Variants in DAB1 observed in about 807,000 individuals in gnomAD.
The protein encoded by DAB1 is disabled homolog 1.
Under a neutral mutation model 64.6 loss-of-function variants are expected in DAB1, and 15 were observed. That is an observed-to-expected ratio of 0.23 (90% CI 0.16 to 0.36). DAB1 has a LOEUF of 0.36. DAB1 is among the 10% of genes least tolerant of loss of function. The pLI, the probability that DAB1 is intolerant of heterozygous loss-of-function variation, is 1.00. For synonymous variants in DAB1, 235 were observed against 251.9 expected, an observed-to-expected ratio of 0.93 and a Z score of 0.64; for missense variants, 596 against 706.7, an observed-to-expected ratio of 0.84 and a Z score of 1.78.
chr1:58,293,473 A>T (rs1163040695), intron 4 of DAB1, among the ~76,000 whole-genome samples: 1 of 152,234 alleles, frequency 6.6e-6, no homozygotes, highest in Non-Finnish European at 1.5e-5. Flanking sequence ...GGGAGATGGC[A>T]GCAGTCATAA....
chr1:57,754,959 T>A (rs1384937361), intron 6 of DAB1, among the ~76,000 whole-genome samples: 2 of 152,036 alleles, frequency 1.3e-5, no homozygotes, highest in African/African-American at 4.8e-5. Flanking sequence ...CTAGACAAGT[T>A]TTCCAAAACT....
In DAB1 at chr1:57,062,947, TG is replaced by T; in HGVS notation, c.664-5del. The T allele has an allele frequency of 6.2e-7, 1 of 1,613,876 alleles. No individual in the cohort carries two copies. Among genetic ancestry groups the T allele is most frequent in the South Asian group, 1.1e-5 (1 of 91,066 alleles). On this transcript the variant is annotated splice_polypyrimidine_tract_variant and splice_region_variant and intron_variant, in intron 8 of 14. Coordinates refer to ENST00000371236, the MANE Select transcript of DAB1 (RefSeq NM_001365792.1). ...CCTTCTTTTGGCTGGTGGGAACCTA[TG>T]GAAAAATTAAATTCAGCACAGTCAA...
intron 5 of DAB1, among the ~76,000 whole-genome samples, chr1:57,963,651 T>C (rs976035211): frequency 2.6e-5 from 4 of 152,174 alleles, no homozygotes; most frequent in Admixed American, 1.3e-4. Flanking sequence ...GAATCAGTCC[T>C]GAAAATTCTA....
chr1:58,423,208 A>T (rs1412016450), intron 3 of DAB1, among the ~76,000 whole-genome samples: 1 of 152,210 alleles, frequency 6.6e-6, no homozygotes, highest in Non-Finnish European at 1.5e-5. Context: ...TAAAAGCCAG[A>T]CAGGAATTTG....
intron 5 of DAB1, among the ~76,000 whole-genome samples, chr1:57,998,446 C>T (rs1414553305): frequency 2.0e-5 from 3 of 149,224 alleles, no homozygotes; most frequent in Non-Finnish European, 3.0e-5. Context: ...TCAGCTCAAC[C>T]TCTGCTTCCT....
intron 4 of DAB1, among the ~76,000 whole-genome samples, chr1:58,223,265 A>G (rs1360959574): frequency 6.6e-6 from 1 of 152,168 alleles, no homozygotes; most frequent in African/African-American, 2.4e-5. Flanking sequence ...TGGCCCACAA[A>G]CAGGCCAGGC....
At chr1:57,070,398 T>C (rs995168460) in intron 7 of DAB1, among the ~76,000 whole-genome samples, 2 of 152,182 alleles carry the variant, frequency 1.3e-5, no homozygotes, top group African/African-American at 4.8e-5. Flanking sequence ...ACAGACCACA[T>C]GCTTGACCTC....
intron 4 of DAB1, among the ~76,000 whole-genome samples, chr1:58,276,153 G>A (rs1661437871): frequency 6.6e-6 from 1 of 152,168 alleles, no homozygotes; most frequent in Non-Finnish European, 1.5e-5. Flanking sequence ...GGTTGCCAAG[G>A]GCTGTGGGGA....
At chr1:57,757,220 T>TTTTTTTTTTTTTTTTTTTTTGA (rs200688727) in intron 6 of DAB1, among the ~76,000 whole-genome samples, 1 of 120,152 alleles carries the variant, frequency 8.3e-6, no homozygotes. Flanking sequence ...TTTTTTTTTT[T>TTTTTTTTTTTTTTTTTTTTTGA]AGCAGCAATG....
At chr1:58,452,359 A>C (rs1158967816) in intron 3 of DAB1, among the ~76,000 whole-genome samples, 2 of 152,096 alleles carry the variant, frequency 1.3e-5, no homozygotes, top group Non-Finnish European at 2.9e-5. Context: ...TTAAAATCAC[A>C]ATGAGATAGA....
chr1:57,009,448 T>TA lies in DAB1; in HGVS notation c.*15+1231dup, dbSNP rs1462361946. 5.9e-5 allele frequency among the ~76,000 whole-genome samples: 9 copies of TA among 152,210 alleles called. No homozygotes were observed. In the East Asian group the frequency reaches 1.7e-3, roughly 29 times the overall value. On this transcript the variant is annotated intron_variant, in intron 14 of 14. Coordinates refer to ENST00000371236, the MANE Select transcript of DAB1 (RefSeq NM_001365792.1). ...CTACACAGTGTGTTAGGTTCTTTAA[T>TA]AAAAATACCTGTTAACAAAATACAC...
At chr1:57,313,546 C>T (rs571734492) in intron 1 of DAB1, among the ~76,000 whole-genome samples, 69 of 152,194 alleles carry the variant, frequency 4.5e-4, no homozygotes, top group African/African-American at 1.5e-3. Context: ...GTAAGTTGGC[C>T]CCGGTCTGGC....
chr1:58,379,694 T>C (rs1217185857), intron 3 of DAB1, among the ~76,000 whole-genome samples: 3 of 152,244 alleles, frequency 2.0e-5, no homozygotes, highest in Non-Finnish European at 4.4e-5. Flanking sequence ...AATGAGCTGA[T>C]AGTCTATAGA....
intron 7 of DAB1, among the ~76,000 whole-genome samples, chr1:57,629,813 G>A (rs1336716305): frequency 6.7e-6 from 1 of 149,576 alleles, no homozygotes; most frequent in Admixed American, 6.7e-5. Flanking sequence ...GGAGCAAAGA[G>A]ATATTGTCAT....
At chr1:58,195,833 T>C (rs1443448374) in intron 4 of DAB1, among the ~76,000 whole-genome samples, 1 of 152,246 alleles carries the variant, frequency 6.6e-6, no homozygotes, top group Non-Finnish European at 1.5e-5. Context: ...AATTTTACAA[T>C]AGCCCTAACA....
intron 2 of DAB1, among the ~76,000 whole-genome samples, chr1:57,243,067 T>C (rs1229069504): frequency 6.6e-6 from 1 of 152,218 alleles, no homozygotes; most frequent in Non-Finnish European, 1.5e-5. Context: ...CTAAAGCGGA[T>C]ACTCTGAGGT....
At chr1:57,650,898 C>T (rs1388439412) in intron 6 of DAB1, among the ~76,000 whole-genome samples, 1 of 152,126 alleles carries the variant, frequency 6.6e-6, no homozygotes, top group Non-Finnish European at 1.5e-5. Flanking sequence ...CCTTATTAAA[C>T]TTTGCTTCCC....
At chr1:57,168,290 A>G (rs567693058) in intron 2 of DAB1, among the ~76,000 whole-genome samples, 4 of 152,334 alleles carry the variant, frequency 2.6e-5, no homozygotes, top group African/African-American at 9.6e-5. Context: ...ATTTCATCAC[A>G]TAGTTATTGT....
At chr1:57,428,410 G>A (rs1685371272), upstream of DAB1, among the ~76,000 whole-genome samples, 1 of 152,144 alleles carries the variant, frequency 6.6e-6, no homozygotes, top group Non-Finnish European at 1.5e-5. Context: ...AGAACATGCA[G>A]TATTTGTCTT....
Sources: allele counts gnomAD v4.1 joint callset (sites outside exome capture counted in the v4.1 genomes callset), GRCh38; gene constraint gnomAD v4.1.1; transcripts MANE v1.5; gene names NCBI Gene and HGNC (gene_info 2026-07-23, HGNC 2026-07-21).